The following ICE2 variants were observed in gnomAD, a reference collection of about 807,000 sequenced individuals.
The protein encoded by ICE2 is little elongation complex subunit 2.
A neutral mutation model predicts 105.4 loss-of-function variants in ICE2; 87 were observed. The ratio of observed to expected loss-of-function variants is 0.83; its 90% CI spans 0.69 to 0.99. ICE2 has a LOEUF of 0.99. Among genes scored for constraint, ICE2 ranks in the 50% least tolerant of loss-of-function variants. The probability of loss-of-function intolerance (pLI) is 0.00; values close to 1 mark genes in which losing one functional copy is unlikely to be tolerated. For missense variants in ICE2, 1,323 were observed against 1,146.7 expected, an observed-to-expected ratio of 1.15 and a Z score of -2.22; for synonymous variants, 399 against 392.0, an observed-to-expected ratio of 1.02 and a Z score of -0.21.
Position 60,449,126 on chromosome 15 carries a change from G to A in ICE2, c.1841C>T (p.Ser614Phe). 1 of 1,614,042 alleles carries A rather than the reference G, an allele frequency of 6.2e-7. No homozygotes were observed. The highest frequency in any genetic ancestry group is 8.5e-7 in the Non-Finnish European group (1 of 1,179,968). Residue 614 changes from serine to phenylalanine, a missense_variant, in exon 10 of 16, where the codon TCT becomes TTT. Transcript: ENST00000261520. ...AGCAGTATTAGTCTGGTTTCCTACA[G>A]AAGCCTGTCCTGAGGAAGAATTTGG... is the stretch of plus-strand genomic sequence containing the variant. ...ASPNSSSGQA[S>F]VGNQTNTACS...
At chr15:60,475,879 G>A (rs1429609946) in intron 3 of ICE2, among the ~76,000 whole-genome samples, 184 bp downstream of exon 3, 2 of 152,016 alleles carry the variant, frequency 1.3e-5, no homozygotes, top group African/African-American at 4.8e-5. Context: ...CTATAAAATT[G>A]TTTTGCAGTT....
intron 5 of ICE2, among the ~76,000 whole-genome samples, chr15:60,462,946 A>G (rs1356243084): frequency 1.3e-5 from 2 of 152,254 alleles, no homozygotes; most frequent in African/African-American, 4.8e-5. Flanking sequence ...TGAAGGTTCC[A>G]CTAAATGATT....
intron 14 of ICE2, among the ~76,000 whole-genome samples, chr15:60,430,227 T>C (rs1459794286): frequency 6.6e-6 from 1 of 152,162 alleles, no homozygotes; most frequent in African/African-American, 2.4e-5. Context: ...TCCAGAGAGA[T>C]GCGACTTAAC....
chr15:60,445,673 G>T, intron 11 of ICE2: 4 of 985,084 alleles, frequency 4.1e-6, no homozygotes, highest in Non-Finnish European at 4.8e-6. Flanking sequence ...CCTTAGTCAA[G>T]TGAATTACAA....
chr15:60,448,036 G>C lies in ICE2; in HGVS notation c.2229C>G (p.Leu743=), dbSNP rs146744595. The C allele has an allele frequency of 6.2e-7, 1 of 1,613,820 alleles. No homozygotes were observed. The highest frequency in any genetic ancestry group is 1.7e-5 in the Admixed American group (1 of 60,004). The change falls in exon 11 of 16, where the codon CTC becomes CTG. Residue 743 remains leucine, a synonymous_variant. Transcript: ENST00000261520. ...KLFSLQDLLL[L]VRCSVQRIET... Reference sequence around the variant, plus strand: ...CTATCCTCTGGACACTGCAGCGTACGAGTAACAACAGGTCTTGCAGGCTAA... The same window carrying C: ...CTATCCTCTGGACACTGCAGCGTACCAGTAACAACAGGTCTTGCAGGCTAA...
chr15:60,443,822 A>C (rs1247675337), intron 11 of ICE2, among the ~76,000 whole-genome samples: 1 of 151,976 alleles, frequency 6.6e-6, no homozygotes, highest in Non-Finnish European at 1.5e-5. Flanking sequence ...GGCTGGGTGC[A>C]GTGGCTCATG....
At chr15:60,467,942 C>T (rs1387236093) in intron 4 of ICE2, 119 bp downstream of exon 4, 2 of 908,832 alleles carry the variant, frequency 2.2e-6, no homozygotes, top group Non-Finnish European at 3.2e-6. Context: ...CTCTCAATCT[C>T]CTTACGTTTT....
At chr15:60,475,427 T>C (rs888364727) in intron 3 of ICE2, among the ~76,000 whole-genome samples, 6 of 151,816 alleles carry the variant, frequency 4.0e-5, no homozygotes, top group African/African-American at 1.5e-4. Context: ...GAAATAACTA[T>C]AAAAATTCAC....
chr15:60,461,947 T>C (rs1332205533), intron 5 of ICE2, among the ~76,000 whole-genome samples: 2 of 152,210 alleles, frequency 1.3e-5, no homozygotes, highest in Non-Finnish European at 2.9e-5. Flanking sequence ...TTAATACTAT[T>C]TGAGGCTTAC....
intron 12 of ICE2, chr15:60,440,382 T>C (rs1300969605): frequency 6.6e-6 from 1 of 152,220 alleles, no homozygotes; most frequent in Non-Finnish European, 1.5e-5. Context: ...GAAGTTGCAA[T>C]GAGACTATGT....
At chr15:60,475,965 A>G (rs889260706) in intron 3 of ICE2, 98 bp downstream of exon 3, 7 of 738,488 alleles carry the variant, frequency 9.5e-6, no homozygotes, top group African/African-American at 5.5e-5. Context: ...AAACATTTCT[A>G]TAATTTGAAT....
rs745675454 is a variant in ICE2, at chr15:60,468,412, T to C, written c.147-90A>G. ...CATGATTCTCAATCACCAGGGAGAA[T>C]ATAGCGTGATTAACAGAGTAAACTC... On this transcript the variant is annotated intron_variant, in intron 3 of 15. Coordinates refer to ENST00000261520, the MANE Select transcript of ICE2 (RefSeq NM_024611.6). The C allele has an allele frequency of 4.2e-5, 42 of 992,698 alleles. No individual in the cohort carries two copies. In the South Asian group the frequency reaches 5.4e-4, roughly 13 times the overall value. The allele number at this position is 992,698 out of a possible 1,614,324, so 61.5% of individuals were successfully genotyped here.
In ICE2 at chr15:60,466,577, G is replaced by C. The variant is rs1276182270; in HGVS notation, c.528+17C>G. 6.2e-7 allele frequency: 1 copy of C among 1,608,088 alleles called. No individual in the cohort carries two copies. The highest frequency in any genetic ancestry group is 8.5e-7 in the Non-Finnish European group (1 of 1,179,112). On this transcript the variant is annotated intron_variant, in intron 5 of 15. Coordinates refer to ENST00000261520, the MANE Select transcript of ICE2 (RefSeq NM_024611.6). ...CTATCACTTCGCAATTTACACAAAT[G>C]TGAGTTGTTTTTTTACCTCTGTGAA... is the stretch of plus-strand genomic sequence containing the variant.
intron 5 of ICE2, among the ~76,000 whole-genome samples, chr15:60,460,246 C>T (rs530492684): frequency 3.9e-5 from 6 of 152,320 alleles, no homozygotes; most frequent in African/African-American, 1.2e-4. Context: ...GTAATCCCAA[C>T]ACTTTGAGAG....
intron 12 of ICE2, chr15:60,439,514 G>C (rs929537088): frequency 1.3e-5 from 2 of 152,248 alleles, no homozygotes; most frequent in Admixed American, 1.3e-4. Context: ...CTGAGTAGCT[G>C]GGACTACAGG....
Position 60,420,901 on chromosome 15 carries a change from A to C in ICE2, c.*2733T>G, listed in dbSNP as rs1393915103. The C allele has an allele frequency of 6.6e-6, 1 of 152,232 alleles. No homozygotes were observed. The allele number at this position is 152,232 out of a possible 1,614,324, so 9.4% of individuals were successfully genotyped here. A position where few individuals can be genotyped will look rare whatever the true frequency, so the allele number is the denominator to read the frequency against. Reference sequence around the variant, plus strand: ...TAACTAATATCTGCTAAGCAACTACATGACAGGCACTGTATTAGGTGTTTA... The same window carrying C: ...TAACTAATATCTGCTAAGCAACTACCTGACAGGCACTGTATTAGGTGTTTA... On this transcript the variant is annotated 3_prime_UTR_variant, in exon 16 of 16. Coordinates refer to ENST00000261520, the MANE Select transcript of ICE2 (RefSeq NM_024611.6).
intron 5 of ICE2, among the ~76,000 whole-genome samples, chr15:60,457,711 C>G (rs999068399): frequency 1.3e-5 from 2 of 152,142 alleles, no homozygotes; most frequent in Admixed American, 6.5e-5. Flanking sequence ...TGCTATCTTT[C>G]ACATTTTCTC....
chr15:60,460,689 C>G (rs968163596), intron 5 of ICE2, among the ~76,000 whole-genome samples: 2 of 152,060 alleles, frequency 1.3e-5, no homozygotes, highest in African/African-American at 4.8e-5. Context: ...CTGGCTCTAC[C>G]CACTAGACGC....
intron 15 of ICE2, among the ~76,000 whole-genome samples, chr15:60,424,121 A>G (rs1042332131): frequency 6.6e-6 from 1 of 152,146 alleles, no homozygotes; most frequent in African/African-American, 2.4e-5. Context: ...GACAAGAAAA[A>G]GGAAGGAGTA....
Sources: allele counts gnomAD v4.1 joint callset (sites outside exome capture counted in the v4.1 genomes callset), GRCh38; gene constraint gnomAD v4.1.1; transcripts MANE v1.5; gene names NCBI Gene and HGNC (gene_info 2026-07-23, HGNC 2026-07-21).